The following OXR1 variants were observed in gnomAD, a reference collection of about 807,000 sequenced individuals.
OXR1 encodes the protein oxidation resistance protein 1.
A neutral mutation model predicts 104.6 loss-of-function variants in OXR1; 41 were observed. That is an observed-to-expected ratio of 0.39 (90% CI 0.31 to 0.51). OXR1 has a LOEUF of 0.51. Ranked by LOEUF, OXR1 falls within the 20% of genes least tolerant of loss-of-function variation. The pLI is 0.77. For synonymous variants in OXR1, 348 were observed against 348.4 expected, an observed-to-expected ratio of 1.00 and a Z score of 0.01; for missense variants, 955 against 1,031.9, an observed-to-expected ratio of 0.93 and a Z score of 1.02.
chr8:106,641,927 G>A (rs1322819770), intron 3 of OXR1, among the ~76,000 whole-genome samples: 1 of 141,336 alleles, frequency 7.1e-6, no homozygotes, highest in Non-Finnish European at 1.5e-5. Flanking sequence ...GAAAGAGTAA[G>A]TTTAATGCCT....
At chr8:106,430,126 G>C (rs574583049) in intron 2 of OXR1, among the ~76,000 whole-genome samples, 92 of 152,160 alleles carry the variant, frequency 6.0e-4, no homozygotes, top group African/African-American at 2.2e-3. Flanking sequence ...TTTTTGTAAA[G>C]TCATAATCCC....
chr8:106,595,765 T>C (rs1386366539), intron 3 of OXR1, among the ~76,000 whole-genome samples: 3 of 151,986 alleles, frequency 2.0e-5, no homozygotes, highest in Non-Finnish European at 4.4e-5. Context: ...CCCATAAACA[T>C]TTGTGCCAGG....
intron 12 of OXR1, among the ~76,000 whole-genome samples, chr8:106,738,994 A>C (rs886908250): frequency 6.6e-6 from 1 of 151,958 alleles, no homozygotes; most frequent in Non-Finnish European, 1.5e-5. Context: ...CTTTACATTA[A>C]AATTTTGGCA....
intron 6 of OXR1, among the ~76,000 whole-genome samples, chr8:106,687,191 G>A (rs1444047187): frequency 6.6e-6 from 1 of 152,016 alleles, no homozygotes; most frequent in Non-Finnish European, 1.5e-5. Flanking sequence ...AATAAGATGG[G>A]GACATATTTA....
intron 7 of OXR1, among the ~76,000 whole-genome samples, chr8:106,699,886 T>C (rs1450587310): frequency 6.6e-6 from 1 of 151,968 alleles, no homozygotes; most frequent in African/African-American, 2.4e-5. Context: ...TAACAATAAC[T>C]ATAATGGCTA....
rs568781173 is a variant in OXR1 at position 106,690,123 on chromosome 8, T to C, written c.526-2605T>C. ...TTATAGAATATATAAATCGTAATTTTTTCTAAATTATGATTTTAACTTCAA... is the reference window on the plus strand; with the variant it reads ...TTATAGAATATATAAATCGTAATTTCTTCTAAATTATGATTTTAACTTCAA... On this transcript the variant is annotated intron_variant, in intron 6 of 16. Coordinates refer to ENST00000517566, the MANE Select transcript of OXR1 (RefSeq NM_001198533.2). Among the ~76,000 whole-genome samples, 18 of 150,966 alleles carry C rather than the reference T, an allele frequency of 1.2e-4. No homozygotes were observed. The East Asian group carries it at 2.9e-3, about 24-fold the overall frequency.
chr8:106,455,161 C>T (rs1820536516), intron 2 of OXR1, among the ~76,000 whole-genome samples: 1 of 152,056 alleles, frequency 6.6e-6, no homozygotes. Flanking sequence ...TGACTTGGTG[C>T]CCTTGGTCAA....
At chr8:106,359,193 G>C (rs1816134267) in intron 1 of OXR1, among the ~76,000 whole-genome samples, 1 of 151,574 alleles carries the variant, frequency 6.6e-6, no homozygotes, top group African/African-American at 2.4e-5. Context: ...GAAAATATTT[G>C]GTTCCTCCAA....
intron 1 of OXR1, among the ~76,000 whole-genome samples, chr8:106,292,428 A>C (rs561608025): frequency 6.6e-6 from 1 of 152,280 alleles, no homozygotes; most frequent in East Asian, 1.9e-4. Flanking sequence ...TCAAAACTGC[A>C]AAAGTGATAG....
At chr8:106,735,613 A>G (rs1356415549) in intron 11 of OXR1, among the ~76,000 whole-genome samples, 2 of 152,156 alleles carry the variant, frequency 1.3e-5, no homozygotes, top group African/African-American at 4.8e-5. Context: ...TAGATAAGTT[A>G]TTTTTGACAA....
intron 7 of OXR1, among the ~76,000 whole-genome samples, chr8:106,699,202 G>A (rs983185142): frequency 1.3e-5 from 2 of 152,062 alleles, no homozygotes; most frequent in Non-Finnish European, 2.9e-5. Flanking sequence ...GTGAGAACAC[G>A]AACTATTCTT....
At chr8:106,689,781 A>G (rs1010056049) in intron 6 of OXR1, among the ~76,000 whole-genome samples, 2 of 151,922 alleles carry the variant, frequency 1.3e-5, no homozygotes, top group African/African-American at 4.8e-5. Context: ...TTTAATCATG[A>G]TAGTCACATA....
chr8:106,742,207 C>T lies in OXR1; in HGVS notation c.2317-15C>T. On this transcript the variant is annotated splice_polypyrimidine_tract_variant and intron_variant, in intron 14 of 16. Transcript: ENST00000517566. ...TTGTTAGTCGTGTCATTGAATATGCCTTTTTTATCCTTAGGTTTTTGGTGC... is the reference window on the plus strand; with the variant it reads ...TTGTTAGTCGTGTCATTGAATATGCTTTTTTTATCCTTAGGTTTTTGGTGC... The T allele has an allele frequency of 3.4e-6, 5 of 1,491,036 alleles. No individual in the cohort carries two copies. Among genetic ancestry groups the T allele is most frequent in the East Asian group, 2.3e-5 (1 of 44,210 alleles). The allele number at this position is 1,491,036 out of a possible 1,614,324, so 92.4% of individuals were successfully genotyped here.
chr8:106,550,263 A>T (rs1257065046), intron 3 of OXR1, among the ~76,000 whole-genome samples: 1 of 152,206 alleles, frequency 6.6e-6, no homozygotes, highest in Non-Finnish European at 1.5e-5. Context: ...TGTTATAGCC[A>T]CTACTCTGAA....
At chr8:106,632,646 G>A (rs1206604870) in intron 3 of OXR1, among the ~76,000 whole-genome samples, 1 of 152,046 alleles carries the variant, frequency 6.6e-6, no homozygotes, top group African/African-American at 2.4e-5. Context: ...CTTTTGTCAA[G>A]TTAGACATAA....
chr8:106,700,409 T>A (rs1217042379), intron 7 of OXR1, among the ~76,000 whole-genome samples: 1 of 152,190 alleles, frequency 6.6e-6, no homozygotes, highest in African/African-American at 2.4e-5. Flanking sequence ...TGGAGAATGA[T>A]GTCTAACAGA....
chr8:106,327,584 T>C (rs950057076), intron 1 of OXR1, among the ~76,000 whole-genome samples: 6 of 152,228 alleles, frequency 3.9e-5, no homozygotes, highest in Non-Finnish European at 8.8e-5. Context: ...TCTTGCTAAA[T>C]GCAGCTCACC....
intron 2 of OXR1, among the ~76,000 whole-genome samples, chr8:106,479,089 C>A (rs1821962340): frequency 1.3e-5 from 2 of 152,046 alleles, no homozygotes; most frequent in Admixed American, 1.3e-4. Context: ...TGTGACTTTT[C>A]AATAGGTTGT....
At chr8:106,276,127 G>T (rs936730385) in intron 1 of OXR1, among the ~76,000 whole-genome samples, 1 of 152,180 alleles carries the variant, frequency 6.6e-6, no homozygotes, top group Non-Finnish European at 1.5e-5. Flanking sequence ...TTGTCATTCA[G>T]AATTGTCTCT....
Sources: allele counts gnomAD v4.1 joint callset (sites outside exome capture counted in the v4.1 genomes callset), GRCh38; gene constraint gnomAD v4.1.1; transcripts MANE v1.5; gene names NCBI Gene and HGNC (gene_info 2026-07-23, HGNC 2026-07-21).